Variants in ITGB4 observed in about 807,000 individuals in gnomAD.
The protein encoded by ITGB4 is integrin beta-4.
A neutral mutation model predicts 207.6 loss-of-function variants in ITGB4; 159 were observed. The ratio of observed to expected loss-of-function variants is 0.77; its 90% CI spans 0.67 to 0.87. ITGB4 has a LOEUF of 0.87. ITGB4 is among the 40% of genes least tolerant of loss of function. The probability of loss-of-function intolerance (pLI) is 0.00; values close to 1 mark genes in which losing one functional copy is unlikely to be tolerated. For missense variants in ITGB4, 2,278 were observed against 2,546.8 expected, an observed-to-expected ratio of 0.89 and a Z score of 2.27; for synonymous variants, 1,020 against 1,062.7, an observed-to-expected ratio of 0.96 and a Z score of 0.78.
chr17:75,751,714 C>A (rs1265254205), intron 30 of ITGB4: 2 of 236,080 alleles, frequency 8.5e-6, no homozygotes, highest in Non-Finnish European at 1.7e-5. Flanking sequence ...GCACTCCAGA[C>A]AGGGTGACAG....
Position 75,750,831 on chromosome 17 carries a change from C to T in ITGB4, c.3626C>T (p.Ser1209Phe). The T allele has an allele frequency of 6.2e-7, 1 of 1,613,396 alleles. No homozygotes were observed. Among genetic ancestry groups the T allele is most frequent in the East Asian group, 2.2e-5 (1 of 44,888 alleles). The change falls in exon 29 of 40, where the codon TCC (serine) becomes TTC (phenylalanine). Residue 1209 changes from serine (S) to phenylalanine (F), a missense_variant. By Grantham distance (155) the Ser-to-Phe change is radical (BLOSUM62 -2). Coordinates refer to ENST00000200181, the MANE Select transcript of ITGB4 (RefSeq NM_000213.5). The surrounding 1 kb of genome is among the most constrained non-coding windows in gnomAD (Gnocchi z 5.5). ...YGAQGEGPYS[S>F]LVSCRTHQEV... ...GCTCAGGGCGAGGGACCCTACAGCT[C>T]CCTGGTGTCCTGCCGCACCCACCAG...
Position 75,733,708 on chromosome 17 carries a change from G to T in ITGB4, c.1657+16G>T. ...CTCTGCAATGGTGAGCACAACAACT[G>T]CGGCCAATGCTGATGGCGGGGTAGG... On this transcript the variant is annotated intron_variant, in intron 13 of 39. Coordinates refer to ENST00000200181, the MANE Select transcript of ITGB4 (RefSeq NM_000213.5). 6.2e-7 allele frequency: 1 copy of T among 1,612,840 alleles called. No homozygotes were observed.
chr17:75,731,826 G>A lies in ITGB4; in HGVS notation c.1230G>A (p.Val410=), dbSNP rs749713529. 3 of 1,600,584 alleles carry A rather than the reference G, an allele frequency of 1.9e-6. No homozygotes were observed. The highest frequency in any genetic ancestry group is 1.1e-5 in the South Asian group (1 of 89,352). ...GGCCCCTGCAGGGTATATACCAGGT[G>A]CAGCTGCGGGCCCTTGAGCACGTGG... ...IRRGEVGIYQ[V]QLRALEHVDG... is the part of the protein sequence containing the mutation. Residue 410 remains valine, a synonymous_variant, in exon 11 of 40, where the codon GTG becomes GTA. Coordinates refer to ENST00000200181, the MANE Select transcript of ITGB4 (RefSeq NM_000213.5). This position sits in a 1 kb window ranked among gnomAD's most constrained non-coding sequence, Gnocchi z 6.8.
chr17:75,750,969 C>T lies in ITGB4; in HGVS notation c.3656-5C>T, dbSNP rs2061354620. On this transcript the variant is annotated splice_region_variant and splice_polypyrimidine_tract_variant and intron_variant, in intron 29 of 39. Coordinates refer to ENST00000200181, the MANE Select transcript of ITGB4 (RefSeq NM_000213.5). The surrounding 1 kb of genome is among the most constrained non-coding windows in gnomAD (Gnocchi z 5.5). ...AGCACTCTTCCTGTATTCCCCGCTC[C>T]CTAGTGCCCAGCGAGCCAGGGCGTC... 1.2e-6 allele frequency: 2 copies of T among 1,613,744 alleles called. No homozygotes were observed. Among genetic ancestry groups the T allele is most frequent in the East Asian group, 4.5e-5 (2 of 44,890 alleles).
chr17:75,750,662 C>T lies in ITGB4; in HGVS notation c.3475-18C>T. ...CCTGCTGCTCCCTGCTGACCAGGACCCCTGTCCCTGGGGGTAGGTAAAGTA... is the reference window on the plus strand; with the variant it reads ...CCTGCTGCTCCCTGCTGACCAGGACTCCTGTCCCTGGGGGTAGGTAAAGTA... On this transcript the variant is annotated intron_variant, in intron 28 of 39. Coordinates refer to ENST00000200181, the MANE Select transcript of ITGB4 (RefSeq NM_000213.5). The surrounding 1 kb of genome is among the most constrained non-coding windows in gnomAD (Gnocchi z 5.5). The T allele has an allele frequency of 6.2e-7, 1 of 1,612,190 alleles. No individual in the cohort carries two copies. The highest frequency in any genetic ancestry group is 8.5e-7 in the Non-Finnish European group (1 of 1,179,572).
rs776909381 is a variant in ITGB4, at chr17:75,736,682, G to A, written c.1978G>A (p.Glu660Lys). 3.3e-5 allele frequency: 53 copies of A among 1,595,208 alleles called. No homozygotes were observed. Among genetic ancestry groups the A allele is most frequent in the Admixed American group, 7.2e-5 (4 of 55,506 alleles). The change falls in exon 16 of 40, where the codon GAG (glutamate) becomes AAG (lysine). Residue 660 changes from glutamate (E) to lysine (K), a missense_variant. Transcript: ENST00000200181. Reference sequence around the variant, plus strand: ...CAACTTCAAGGTCAAGATGGTGGACGAGCTTAAGAGAGGTAGGGGCAGGGG... The same window carrying A: ...CAACTTCAAGGTCAAGATGGTGGACAAGCTTAAGAGAGGTAGGGGCAGGGG... ...ECNFKVKMVDELKRAEEVVVR... is the reference protein window; with the variant it reads ...ECNFKVKMVDKLKRAEEVVVR...
chr17:75,754,920 A>T, intron 34 of ITGB4, 105 bp downstream of exon 34: 1 of 1,565,204 alleles, frequency 6.4e-7, no homozygotes, highest in East Asian at 2.2e-5. Flanking sequence ...ATTCTCCAAC[A>T]TACACACACG....
intron 2 of ITGB4, among the ~76,000 whole-genome samples, chr17:75,726,950 G>A (rs1296924755): frequency 2.6e-5 from 4 of 151,910 alleles, no homozygotes; most frequent in African/African-American, 9.7e-5. Context: ...GCGGGCGCCT[G>A]TAGTCTCAGC....
chr17:75,754,561 G>T lies in ITGB4; in HGVS notation c.4319-15G>T. 6.2e-7 allele frequency: 1 copy of T among 1,613,320 alleles called. No homozygotes were observed. Among genetic ancestry groups the T allele is most frequent in the South Asian group, 1.1e-5 (1 of 91,090 alleles). On this transcript the variant is annotated splice_polypyrimidine_tract_variant and intron_variant, in intron 33 of 39. Coordinates refer to ENST00000200181, the MANE Select transcript of ITGB4 (RefSeq NM_000213.5). The stretch of plus-strand genomic sequence containing the variant: ...GGGGCAGGCCTGACCAAGGGACCCT[G>T]CTCTCCCCCTGCAGAGCACCTGGTG...
intron 13 of ITGB4, 80 bp from the exon 14 acceptor site, chr17:75,735,971 A>G (rs976932580): frequency 8.2e-6 from 11 of 1,334,142 alleles, no homozygotes; most frequent in Middle Eastern, 3.6e-4. Context: ...CTGTTCCCAC[A>G]GGCCCTCCCT....
intron 30 of ITGB4, chr17:75,751,669 A>T (rs1018145049): frequency 4.6e-6 from 1 of 217,434 alleles, no homozygotes; most frequent in African/African-American, 2.3e-5. Flanking sequence ...TGAACCCAGA[A>T]GGCGCAGGTT....
At chr17:75,753,694 C>A in intron 32 of ITGB4, 71 bp from the exon 33 acceptor site, 3 of 1,084,068 alleles carry the variant, frequency 2.8e-6, no homozygotes, top group Non-Finnish European at 3.6e-6. Flanking sequence ...AGCCTACGGC[C>A]TTCCCCCGCC....
chr17:75,740,111 C>T lies in ITGB4; in HGVS notation c.2446+40C>T. 1 of 1,573,726 alleles carries T rather than the reference C, an allele frequency of 6.4e-7. No individual in the cohort carries two copies. Among genetic ancestry groups the T allele is most frequent in the Non-Finnish European group, 8.6e-7 (1 of 1,157,848 alleles). Reference sequence around the variant, plus strand: ...GGGCGCCACAGCTCTGGGCAGTGCCCTTCGGGCCCTCTGTTCCAGATCTGG... The same window carrying T: ...GGGCGCCACAGCTCTGGGCAGTGCCTTTCGGGCCCTCTGTTCCAGATCTGG... On this transcript the variant is annotated intron_variant, in intron 20 of 39. Coordinates refer to ENST00000200181, the MANE Select transcript of ITGB4 (RefSeq NM_000213.5). The surrounding 1 kb of genome is among the most constrained non-coding windows in gnomAD (Gnocchi z 5.9).
rs768810970 is a variant in ITGB4 at position 75,742,931 on chromosome 17, G to A, written c.2962+170G>A. 7.2e-5 allele frequency among the ~76,000 whole-genome samples: 11 copies of A among 152,174 alleles called. No individual in the cohort carries two copies. Among genetic ancestry groups the A allele is most frequent in the Admixed American group, 5.2e-4 (8 of 15,288 alleles). The stretch of plus-strand genomic sequence containing the variant: ...GGGTAAGGGCTCTTTTACGGAATGC[G>A]TGGCTGTTCACCTCGCCACAGTGCC... On this transcript the variant is annotated intron_variant, in intron 25 of 39. Transcript: ENST00000200181. The surrounding 1 kb of genome is among the most constrained non-coding windows in gnomAD (Gnocchi z 5.9).
At chr17:75,745,527 A>C (rs1207973833) in intron 26 of ITGB4, among the ~76,000 whole-genome samples, 1 of 152,266 alleles carries the variant, frequency 6.6e-6, no homozygotes, top group East Asian at 1.9e-4. Flanking sequence ...TGAGCCCAGG[A>C]GTTGCAGGCC....
chr17:75,730,119 G>A, intron 7 of ITGB4, 122 bp from the exon 8 acceptor site: 1 of 1,303,346 alleles, frequency 7.7e-7, no homozygotes, highest in African/African-American at 1.5e-5. Context: ...GGCACTTGCT[G>A]TGAATCCAGT....
rs1568364782 is a variant in ITGB4, at chr17:75,740,973, T to C, written c.2610-9T>C. The C allele has an allele frequency of 1.9e-6, 3 of 1,613,812 alleles. No individual in the cohort carries two copies. The highest frequency in any genetic ancestry group is 3.3e-5 in the Admixed American group (2 of 60,002). On this transcript the variant is annotated splice_polypyrimidine_tract_variant and intron_variant, in intron 22 of 39. Coordinates refer to ENST00000200181, the MANE Select transcript of ITGB4 (RefSeq NM_000213.5). The surrounding 1 kb of genome is among the most constrained non-coding windows in gnomAD (Gnocchi z 5.9). ...TATCTAGCTCACAGCGCCCTCTTTG[T>C]CCCCACAGGCAGCAGCCCAATGCCG... is the stretch of plus-strand genomic sequence containing the variant.
At position 75,741,001 on chromosome 17, in the gene ITGB4, A is replaced by C. The variant is rs2061096871; in HGVS notation, c.2629A>C (p.Lys877Gln). ...TKFRQQPNAG[K>Q]KQDHTIVDTV... is the part of the protein sequence containing the mutation. ...CCACAGGCAGCAGCCCAATGCCGGG[A>C]AAAAGTGAGTAGAAGACTCGTGGGT... is the stretch of plus-strand genomic sequence containing the variant. Residue 877 changes from lysine to glutamine, a missense_variant, in exon 23 of 40, where the codon AAA becomes CAA. Coordinates refer to ENST00000200181, the MANE Select transcript of ITGB4 (RefSeq NM_000213.5). The C allele has an allele frequency of 1.9e-6, 3 of 1,613,260 alleles. No individual in the cohort carries two copies. Among genetic ancestry groups the C allele is most frequent in the Non-Finnish European group, 2.5e-6 (3 of 1,179,868 alleles).
At position 75,730,508 on chromosome 17, in the gene ITGB4, C is replaced by G; in HGVS notation, c.1002+4C>G. On this transcript the variant is annotated splice_donor_region_variant and intron_variant, in intron 8 of 39. Transcript: ENST00000200181. ...CTACTCCTATAGCTACTACGAGGTG[C>G]GGGGCCCAGGTCCCACGGGTGGGAG... 5.0e-6 allele frequency: 8 copies of G among 1,613,552 alleles called. No individual in the cohort carries two copies. Among genetic ancestry groups the G allele is most frequent in the Non-Finnish European group, 6.8e-6 (8 of 1,180,006 alleles).
Sources: gnomAD v4.1 joint callset for allele counts (sites outside exome capture counted in the v4.1 genomes callset) on GRCh38, gnomAD v4.1.1 for gene constraint, Gnocchi (gnomAD v3.1) non-coding constraint, MANE v1.5 for transcripts, NCBI Gene and HGNC (gene_info 2026-07-23, HGNC 2026-07-21) for gene names.